Variants in DOCK10 observed in about 807,000 individuals in gnomAD.
DOCK10 encodes dedicator of cytokinesis protein 10.
A neutral mutation model predicts 280.1 loss-of-function variants in DOCK10; 145 were observed. The observed-to-expected ratio is 0.52, with a 90% CI of 0.45 to 0.59. The LOEUF (loss-of-function observed/expected upper bound fraction) is 0.59. Ranked by LOEUF, DOCK10 falls within the 20% of genes least tolerant of loss-of-function variation. DOCK10 has a pLI of 0.00. For synonymous variants in DOCK10, 915 were observed against 942.2 expected, an observed-to-expected ratio of 0.97 and a Z score of 0.53; for missense variants, 2,368 against 2,651.7, an observed-to-expected ratio of 0.89 and a Z score of 2.35.
chr2:225,037,978 C>T (rs1690306809), intron 1 of DOCK10, among the ~76,000 whole-genome samples: 2 of 152,112 alleles, frequency 1.3e-5, no homozygotes. Context: ...GACTTCTTCT[C>T]CAGGCAAAGA....
At chr2:224,944,526 A>T (rs1354845959) in intron 1 of DOCK10, among the ~76,000 whole-genome samples, 1 of 152,240 alleles carries the variant, frequency 6.6e-6, no homozygotes, top group Non-Finnish European at 1.5e-5. Flanking sequence ...AGCAATCTTA[A>T]CGCAGGATAG....
In DOCK10 at chr2:224,819,518, T is replaced by C. The variant is rs766860879; in HGVS notation, c.3195A>G (p.Thr1065=). ...TAAACACATACCCTCGGTCCATAAA[T>C]GTAAAGCAGCGCTAAAATAGATAAA... ...SVARFLKRCF[T]FMDRGYVFKM... The change falls in exon 29 of 56, where the codon ACA becomes ACG. Residue 1065 remains threonine, a synonymous_variant. Coordinates refer to ENST00000258390, the MANE Select transcript of DOCK10 (RefSeq NM_014689.3). 1 of 1,604,040 alleles carries C rather than the reference T, an allele frequency of 6.2e-7. No individual in the cohort carries two copies. Among genetic ancestry groups the C allele is most frequent in the East Asian group, 2.2e-5 (1 of 44,510 alleles).
At chr2:224,766,152 TA>T (rs1300083383) in intron 55 of DOCK10, among the ~76,000 whole-genome samples, 1 of 152,240 alleles carries the variant, frequency 6.6e-6, no homozygotes, top group Non-Finnish European at 1.5e-5. Context: ...GTTTATAATT[TA>T]TATTGTCAGC....
intron 1 of DOCK10, chr2:224,982,287 G>A (rs974855571): frequency 4.1e-6 from 5 of 1,232,018 alleles, no homozygotes; most frequent in South Asian, 4.1e-5. Flanking sequence ...TCCTCTTGGC[G>A]TCGTCTACAA....
chr2:224,852,640 T>C (rs1265265486), intron 17 of DOCK10, among the ~76,000 whole-genome samples, 198 bp from the exon 18 acceptor site: 1 of 152,066 alleles, frequency 6.6e-6, no homozygotes, highest in Non-Finnish European at 1.5e-5. Flanking sequence ...AAAAAGCTCA[T>C]ATTGAAAGGG....
chr2:224,830,542 T>C lies in DOCK10; in HGVS notation c.3035A>G (p.Gln1012Arg). The C allele has an allele frequency of 3.5e-6, 5 of 1,449,040 alleles. No homozygotes were observed. Among genetic ancestry groups the C allele is most frequent in the Non-Finnish European group, 4.6e-6 (5 of 1,077,526 alleles). 89.8% of individuals were successfully genotyped at this position (1,449,040 alleles called of 1,614,324 possible). Residue 1012 changes from glutamine (Q) to arginine (R), a missense_variant and splice_region_variant, in exon 27 of 56, where the codon CAG becomes CGG. Physicochemically the swap from Gln to Arg is conservative, Grantham distance 43 (BLOSUM62 1). Transcript: ENST00000258390. ...AQHLIDTNKI[Q>R]LPRPQRFPES... ...ATATTATATTACTTATGTTCTTACC[T>C]GGATTTTATTTGTGTCAATCAAGTG...
chr2:224,847,550 A>G (rs879491624), intron 19 of DOCK10, among the ~76,000 whole-genome samples: 3 of 152,276 alleles, frequency 2.0e-5, no homozygotes, highest in Non-Finnish European at 2.9e-5. Context: ...AGTTAACAAC[A>G]GTAAGAATAT....
At chr2:224,980,858 A>G (rs1559918011) in intron 1 of DOCK10, among the ~76,000 whole-genome samples, 1 of 152,140 alleles carries the variant, frequency 6.6e-6, no homozygotes. Flanking sequence ...AATATCAATA[A>G]AGGTATTATA....
At chr2:225,024,467 G>A (rs1689864162) in intron 1 of DOCK10, among the ~76,000 whole-genome samples, 1 of 152,120 alleles carries the variant, frequency 6.6e-6, no homozygotes, top group South Asian at 2.1e-4. Flanking sequence ...TTTAAGTATG[G>A]CAAAATGTTA....
chr2:224,830,580 T>A lies in DOCK10; in HGVS notation c.2997A>T (p.Lys999Asn). 1 of 1,538,194 alleles carries A rather than the reference T, an allele frequency of 6.5e-7. No individual in the cohort carries two copies. The highest frequency in any genetic ancestry group is 8.8e-7 in the Non-Finnish European group (1 of 1,134,968). Residue 999 changes from lysine (K) to asparagine (N), a missense_variant, in exon 27 of 56, where the codon AAA becomes AAT. Coordinates refer to ENST00000258390, the MANE Select transcript of DOCK10 (RefSeq NM_014689.3). ...HSWFFFAIILKSMAQHLIDTN... is the reference protein window; with the variant it reads ...HSWFFFAIILNSMAQHLIDTN... ...TGTCAATCAAGTGCTGTGCCATCGATTTTAGGATAATTGCAAAGAAGAACC... is the reference window on the plus strand; with the variant it reads ...TGTCAATCAAGTGCTGTGCCATCGAATTTAGGATAATTGCAAAGAAGAACC...
Position 224,774,966 on chromosome 2 carries a change from C to G in DOCK10, c.5952G>C (p.Thr1984=). Residue 1984 remains threonine (T), a synonymous_variant, in exon 52 of 56, where the codon ACG becomes ACC. Coordinates refer to ENST00000258390, the MANE Select transcript of DOCK10 (RefSeq NM_014689.3). ...INRFVFETPF[T]LSGKKHGGVA... ...CCCCACCGTGCTTCTTGCCCGACAG[C>G]GTGAAGGGTGTCTCGAAGACAAAGC... 6.2e-7 allele frequency: 1 copy of G among 1,611,844 alleles called. No individual in the cohort carries two copies. Among genetic ancestry groups the G allele is most frequent in the Non-Finnish European group, 8.5e-7 (1 of 1,178,982 alleles).
chr2:224,891,685 G>A lies in DOCK10; in HGVS notation c.416+4610C>T, dbSNP rs77179780. On this transcript the variant is annotated intron_variant, in intron 4 of 55. Transcript: ENST00000258390. ...AAGATATGAGACAAAGAATACCAACGAAGTCAATAGCAAAACTCAGTCAAC... is the reference window on the plus strand; with the variant it reads ...AAGATATGAGACAAAGAATACCAACAAAGTCAATAGCAAAACTCAGTCAAC... Among the ~76,000 whole-genome samples the A allele has an allele frequency of 9.7e-3, 1,469 of 152,172 alleles. 15 individuals carry two copies. Among genetic ancestry groups the A allele is most frequent in the African/African-American group, 0.033 (1,380 of 41,506 alleles).
In DOCK10 at chr2:224,792,996, T is replaced by G; in HGVS notation, c.5289A>C (p.Leu1763Phe). Residue 1763 changes from leucine to phenylalanine, a missense_variant, in exon 47 of 56, where the codon TTA (leucine) becomes TTC (phenylalanine). Physicochemically the swap from Leu to Phe is conservative, Grantham distance 22 (BLOSUM62 0). This residue lies in a region of DOCK10 where 1,159 missense variants were observed against 1,400.8 expected (regional missense o/e 0.83). Transcript: ENST00000258390. The stretch of plus-strand genomic sequence containing the variant: ...CACTTCCTCCACTGGGAGTTGTTAG[T>G]AATGAGTTGCTATCACAGGGGTGGG... Reference protein sequence around the residue: ...EDTHPCDSNSLLTTPSGGSMF... With the variant: ...EDTHPCDSNSFLTTPSGGSMF... 6.2e-7 allele frequency: 1 copy of G among 1,613,650 alleles called. No individual in the cohort carries two copies. The highest frequency in any genetic ancestry group is 1.1e-5 in the South Asian group (1 of 91,058).
chr2:224,943,180 T>C (rs1398684607), intron 1 of DOCK10, among the ~76,000 whole-genome samples: 2 of 152,234 alleles, frequency 1.3e-5, no homozygotes, highest in East Asian at 3.8e-4. Context: ...CATGACAATT[T>C]CACTTTTCCT....
At chr2:224,814,446 C>A (rs1226471405) in intron 30 of DOCK10, 82 bp from the exon 31 acceptor site, 2 of 683,510 alleles carry the variant, frequency 2.9e-6, no homozygotes, top group Admixed American at 7.3e-5. Context: ...GTAGTTTATA[C>A]TGAACAATTA....
chr2:224,976,941 G>C (rs1197532971), intron 1 of DOCK10, among the ~76,000 whole-genome samples: 1 of 152,180 alleles, frequency 6.6e-6, no homozygotes, highest in Non-Finnish European at 1.5e-5. Context: ...AAACTGTATA[G>C]TTAATCAGAG....
At chr2:224,775,379 A>G (rs1690770036) in intron 51 of DOCK10, among the ~76,000 whole-genome samples, 1 of 152,172 alleles carries the variant, frequency 6.6e-6, no homozygotes, top group Non-Finnish European at 1.5e-5. Context: ...TGGCTGTGGC[A>G]TGTTATTTAG....
chr2:224,930,761 G>A (rs956777880), intron 2 of DOCK10, among the ~76,000 whole-genome samples: 1 of 152,184 alleles, frequency 6.6e-6, no homozygotes, highest in African/African-American at 2.4e-5. Flanking sequence ...TTAAGATGTT[G>A]AAGTTTGTGA....
chr2:224,864,501 C>T, intron 13 of DOCK10, 52 bp downstream of exon 13: 2 of 1,463,852 alleles, frequency 1.4e-6, no homozygotes, highest in Non-Finnish European at 1.8e-6. Flanking sequence ...CAGGGAGAGA[C>T]TCTATTAAAA....
Sources: gnomAD v4.1 joint callset for allele counts (sites outside exome capture counted in the v4.1 genomes callset) on GRCh38, gnomAD v4.1.1 for gene constraint, gnomAD v4.1.1 regional missense constraint, MANE v1.5 for transcripts, NCBI Gene and HGNC (gene_info 2026-07-23, HGNC 2026-07-21) for gene names.